Variants in DNAH11 observed in about 807,000 individuals in gnomAD.
DNAH11 encodes dynein axonemal heavy chain 11.
Under a neutral mutation model 526.0 loss-of-function variants are expected in DNAH11, and 442 were observed. The observed-to-expected ratio is 0.84, with a 90% CI of 0.78 to 0.91. The LOEUF is 0.91. Among genes scored for constraint, DNAH11 ranks in the 40% least tolerant of loss-of-function variants. The pLI is 0.00. For missense variants in DNAH11, 6,989 were observed against 5,448.7 expected (o/e 1.28, Z -8.90); for synonymous variants, 2,461 against 1,935.9 (o/e 1.27, Z -7.12).
intron 72 of DNAH11, 45 bp from the exon 73 acceptor site, chr7:21,868,819 C>G: frequency 1.9e-6 from 3 of 1,611,820 alleles, no homozygotes; most frequent in Non-Finnish European, 2.5e-6. Context: ...TCCTCTCACC[C>G]TCCTTCATAG....
intron 68 of DNAH11, among the ~76,000 whole-genome samples, chr7:21,858,419 A>G (rs1782934760): frequency 6.6e-6 from 1 of 152,254 alleles, no homozygotes; most frequent in South Asian, 2.1e-4. Context: ...AAGCTTAACA[A>G]ATGTTCATAG....
chr7:21,623,565 C>G lies in DNAH11; in HGVS notation c.4500+3487C>G, dbSNP rs569552146. 1.6e-3 allele frequency among the ~76,000 whole-genome samples: 237 copies of G among 152,100 alleles called. 1 individual carries two copies. Among genetic ancestry groups the G allele is most frequent in the African/African-American group, 5.5e-3 (230 of 41,458 alleles). ...CAATAGCAAAGACTTGGAACCAACC[C>G]AAATGTCCAACAATGATAGACTGGA... On this transcript the variant is annotated intron_variant, in intron 25 of 81. Transcript: ENST00000409508.
chr7:21,852,065 A>G (rs1036942674), intron 66 of DNAH11, among the ~76,000 whole-genome samples: 1 of 152,106 alleles, frequency 6.6e-6, no homozygotes, highest in Non-Finnish European at 1.5e-5. Flanking sequence ...GTGTTTTATT[A>G]TATACTGATT....
rs370652276 is a variant in DNAH11, at chr7:21,750,499, T to G, written c.8940+135T>G. ...AAGGACGTGTGCATTTTTACACGCC[T>G]GTATCTGGAGCGTACCTTCCTAAAG... On this transcript the variant is annotated intron_variant, in intron 54 of 81. Transcript: ENST00000409508. 277 of 1,187,318 alleles carry G rather than the reference T, an allele frequency of 2.3e-4. No homozygotes were observed. The Middle Eastern group carries it at 2.9e-3, about 12-fold the overall frequency. 73.5% of individuals were successfully genotyped at this position (1,187,318 alleles called of 1,614,324 possible).
intron 68 of DNAH11, among the ~76,000 whole-genome samples, chr7:21,861,344 C>T (rs752005042): frequency 3.9e-5 from 6 of 152,100 alleles, no homozygotes; most frequent in Non-Finnish European, 8.8e-5. Flanking sequence ...TGTAATCTTA[C>T]GTGAAGAGAA....
intron 66 of DNAH11, among the ~76,000 whole-genome samples, chr7:21,847,069 G>T (rs1782448092): frequency 6.6e-6 from 1 of 152,030 alleles, no homozygotes; most frequent in Non-Finnish European, 1.5e-5. Flanking sequence ...AGTAATTGGT[G>T]CCTTCTCTTG....
chr7:21,851,621 A>ACCG (rs1371365288), intron 66 of DNAH11: 1 of 471,314 alleles, frequency 2.1e-6, no homozygotes, highest in Non-Finnish European at 4.4e-6. Context: ...CACTGTAAGA[A>ACCG]CCGGATGGCA....
Position 21,868,981 on chromosome 7 carries a change from T to C in DNAH11, c.11957T>C (p.Val3986Ala). 2 of 1,613,940 alleles carry C rather than the reference T, an allele frequency of 1.2e-6. No homozygotes were observed. The highest frequency in any genetic ancestry group is 1.7e-6 in the Non-Finnish European group (2 of 1,179,876). ...AAAGCTTCCAAAGGAGGACACTGGG[T>C]CATCCTCCAAGTGAGTATTAAGTTT... ...LEKASKGGHW[V>A]ILQNVHLVAK... Residue 3986 changes from valine (V) to alanine (A), a missense_variant, in exon 73 of 82, where the codon GTC becomes GCC. Physicochemically the swap from Val to Ala is moderately conservative, Grantham distance 64 (BLOSUM62 0). Transcript: ENST00000409508.
chr7:21,613,884 C>T (rs550056266), intron 20 of DNAH11, among the ~76,000 whole-genome samples: 1 of 152,250 alleles, frequency 6.6e-6, no homozygotes, highest in South Asian at 2.1e-4. Flanking sequence ...TCTCCCACCT[C>T]AGCCTCCCGA....
At chr7:21,863,473 G>T (rs570471555) in intron 69 of DNAH11, among the ~76,000 whole-genome samples, 22 of 152,162 alleles carry the variant, frequency 1.4e-4, no homozygotes, top group Admixed American at 6.5e-5. Flanking sequence ...GACTACAGGC[G>T]TGCACCACCA....
At chr7:21,693,352 G>C (rs971917686) in intron 35 of DNAH11, among the ~76,000 whole-genome samples, 14 of 152,124 alleles carry the variant, frequency 9.2e-5, no homozygotes, top group African/African-American at 3.4e-4. Flanking sequence ...TTATTAATAG[G>C]TACTGCTGGA....
chr7:21,656,470 C>T (rs909474050), intron 29 of DNAH11, among the ~76,000 whole-genome samples: 1 of 152,166 alleles, frequency 6.6e-6, no homozygotes, highest in Non-Finnish European at 1.5e-5. Flanking sequence ...AGCTGATGTC[C>T]TGTACTCTAA....
rs750119982 is a variant in DNAH11 at position 21,787,519 on chromosome 7, G to A, written c.9860G>A (p.Arg3287Gln). Residue 3287 changes from arginine to glutamine, a missense_variant, in exon 60 of 82, where the codon CGA becomes CAA. By Grantham distance (43) the Arg-to-Gln change is conservative. Coordinates refer to ENST00000409508, the MANE Select transcript of DNAH11 (RefSeq NM_001277115.2). ...KDPEFNPNLI[R>Q]TKSFAAAGLC... Reference sequence around the variant, plus strand: ...CCAGAGTTTAATCCAAACCTGATTCGAACCAAATCTTTTGCAGCAGCTGGC... The same window carrying A: ...CCAGAGTTTAATCCAAACCTGATTCAAACCAAATCTTTTGCAGCAGCTGGC... 76 of 1,613,342 alleles carry A rather than the reference G, an allele frequency of 4.7e-5. No individual in the cohort carries two copies. Among genetic ancestry groups the A allele is most frequent in the African/African-American group, 2.7e-4 (20 of 74,872 alleles).
At chr7:21,814,886 A>T (rs1021434400) in intron 63 of DNAH11, among the ~76,000 whole-genome samples, 4 of 152,132 alleles carry the variant, frequency 2.6e-5, no homozygotes, top group African/African-American at 9.7e-5. Flanking sequence ...TTTATGAAAA[A>T]AATTCTGTAT....
chr7:21,791,262 G>A (rs1168242914), intron 61 of DNAH11, among the ~76,000 whole-genome samples: 1 of 152,224 alleles, frequency 6.6e-6, no homozygotes, highest in African/African-American at 2.4e-5. Context: ...GGCCATGTGT[G>A]ATTTGGGGCT....
In DNAH11 at chr7:21,543,694, C is replaced by G. The variant is rs1389030713; in HGVS notation, c.351+98C>G. 1.4e-5 allele frequency: 19 copies of G among 1,371,454 alleles called. No individual in the cohort carries two copies. The East Asian group carries it at 4.0e-4, about 29-fold the overall frequency. The allele number at this position is 1,371,454 out of a possible 1,614,324, so 85.0% of individuals were successfully genotyped here. Reference sequence around the variant, plus strand: ...TTTGGATTCCCGCGGGGCGCTCACTCGGGCACTTTAACAAACTTGGCTTGA... The same window carrying G: ...TTTGGATTCCCGCGGGGCGCTCACTGGGGCACTTTAACAAACTTGGCTTGA... On this transcript the variant is annotated intron_variant, in intron 1 of 81. Coordinates refer to ENST00000409508, the MANE Select transcript of DNAH11 (RefSeq NM_001277115.2).
intron 63 of DNAH11, among the ~76,000 whole-genome samples, chr7:21,815,306 T>A (rs572254707): frequency 4.8e-4 from 73 of 152,318 alleles, no homozygotes; most frequent in African/African-American, 1.7e-3. Flanking sequence ...TTCTAAAAGA[T>A]CAAATTGCCT....
Position 21,778,926 on chromosome 7 carries a change from C to T in DNAH11, c.9337-32C>T, listed in dbSNP as rs371959340. 4 of 1,605,412 alleles carry T rather than the reference C, an allele frequency of 2.5e-6. No homozygotes were observed. The African/African-American group carries it at 5.4e-5, about 21-fold the overall frequency. ...ATCTGGGATTTGTTGTGAACAAGGC[C>T]AGTGACGTAAGAATAATGACTTTTG... On this transcript the variant is annotated intron_variant, in intron 56 of 81. Transcript: ENST00000409508.
chr7:21,842,757 GT>G lies in DNAH11; in HGVS notation c.10896+12del. The stretch of plus-strand genomic sequence containing the variant: ...ATTTGGAGAAACTTAAGGTAAAAAT[GT>G]TTACGTCACCACCAACACTTAGTCG... On this transcript the variant is annotated intron_variant, in intron 66 of 81. Transcript: ENST00000409508. The G allele has an allele frequency of 1.9e-6, 3 of 1,595,806 alleles. No individual in the cohort carries two copies. Among genetic ancestry groups the G allele is most frequent in the Non-Finnish European group, 1.7e-6 (2 of 1,170,432 alleles).
Sources: gnomAD v4.1 joint callset for allele counts (sites outside exome capture counted in the v4.1 genomes callset) on GRCh38, gnomAD v4.1.1 for gene constraint, MANE v1.5 for transcripts, NCBI Gene and HGNC (gene_info 2026-07-23, HGNC 2026-07-21) for gene names.